PTK2B: variants seen among roughly 807,000 people sequenced by gnomAD.
PTK2B encodes the protein protein tyrosine kinase 2 beta.
Under a neutral mutation model 142.9 loss-of-function variants are expected in PTK2B, and 71 were observed. The ratio of observed to expected loss-of-function variants is 0.50; its 90% CI spans 0.41 to 0.61. PTK2B has a LOEUF of 0.61. Ranked by LOEUF, PTK2B falls within the 20% of genes least tolerant of loss-of-function variation. The probability of loss-of-function intolerance (pLI) is 0.00; values close to 1 mark genes in which losing one functional copy is unlikely to be tolerated. For missense variants in PTK2B, 1,105 were observed against 1,320.4 expected, an observed-to-expected ratio of 0.84 and a Z score of 2.53; for synonymous variants, 519 against 503.4, an observed-to-expected ratio of 1.03 and a Z score of -0.42.
chr8:27,343,465 C>T (rs1314427121), intron 1 of PTK2B, among the ~76,000 whole-genome samples: 1 of 152,174 alleles, frequency 6.6e-6, no homozygotes, highest in African/African-American at 2.4e-5. Flanking sequence ...AACCTGGGGA[C>T]CCCATGTAGT....
chr8:27,365,840 C>T (rs546009914), intron 1 of PTK2B, among the ~76,000 whole-genome samples: 201 of 152,326 alleles, frequency 1.3e-3, no homozygotes, highest in African/African-American at 4.8e-3. Flanking sequence ...CCAGACATTG[C>T]TGGTAATTTG....
intron 5 of PTK2B, 112 bp from the exon 6 acceptor site, chr8:27,429,981 A>T (rs1810306610): frequency 2.1e-6 from 2 of 973,238 alleles, no homozygotes; most frequent in Non-Finnish European, 3.3e-6. Flanking sequence ...CTTTCTCCTG[A>T]TGATTCCCAC....
chr8:27,415,264 G>A (rs1249723309), intron 2 of PTK2B, among the ~76,000 whole-genome samples: 2 of 152,156 alleles, frequency 1.3e-5, no homozygotes, highest in African/African-American at 2.4e-5. Context: ...TGGTGGTGGT[G>A]GGTGGATGGG....
intron 1 of PTK2B, among the ~76,000 whole-genome samples, chr8:27,388,625 A>G (rs977339777): frequency 4.8e-4 from 73 of 152,158 alleles, no homozygotes; most frequent in African/African-American, 1.6e-3. Context: ...GCTGGAACCA[A>G]CTCTCACAAG....
At chr8:27,451,177 GC>G in intron 26 of PTK2B, 99 bp downstream of exon 26, 1 of 1,375,458 alleles carries the variant, frequency 7.3e-7, no homozygotes, top group Middle Eastern at 2.0e-4. Flanking sequence ...CCCCAGGCCT[GC>G]CCAGCTCCTC....
At chr8:27,310,854 G>A (rs1376055107), upstream of PTK2B, 2 of 1,609,460 alleles carry the variant, frequency 1.2e-6, no homozygotes, top group Admixed American at 1.7e-5. Flanking sequence ...CCCTGGTGTC[G>A]GGGGTCGGCC....
chr8:27,333,440 G>T (rs764256329), intron 1 of PTK2B, among the ~76,000 whole-genome samples: 1 of 152,172 alleles, frequency 6.6e-6, no homozygotes, highest in Admixed American at 6.5e-5. Context: ...GCTTGAATTC[G>T]CAAGGGAGCA....
intron 1 of PTK2B, among the ~76,000 whole-genome samples, chr8:27,365,249 T>A (rs531312842): frequency 5.7e-4 from 87 of 152,358 alleles, no homozygotes; most frequent in African/African-American, 2.0e-3. Flanking sequence ...TCTCCCCAAC[T>A]TGGCTGTAAG....
At chr8:27,428,648 T>C (rs1810227120) in intron 5 of PTK2B, among the ~76,000 whole-genome samples, 1 of 152,196 alleles carries the variant, frequency 6.6e-6, no homozygotes, top group Non-Finnish European at 1.5e-5. Flanking sequence ...TGTTTAGCAG[T>C]ATCCCTGGTC....
chr8:27,394,163 T>G (rs1807896382), intron 1 of PTK2B, among the ~76,000 whole-genome samples: 1 of 152,188 alleles, frequency 6.6e-6, no homozygotes. Context: ...TCCCTCACTC[T>G]CTGGGTTGGG....
intron 1 of PTK2B, among the ~76,000 whole-genome samples, chr8:27,327,576 G>A (rs1017074241): frequency 2.6e-5 from 4 of 152,194 alleles, no homozygotes; most frequent in Non-Finnish European, 5.9e-5. Flanking sequence ...TGAAGTAAAG[G>A]CTGGAAACTG....
At chr8:27,351,259 T>C (rs892157112) in intron 1 of PTK2B, among the ~76,000 whole-genome samples, 4 of 151,486 alleles carry the variant, frequency 2.6e-5, no homozygotes, top group African/African-American at 9.7e-5. Flanking sequence ...ATCTATGTTC[T>C]TCCTGGACCC....
chr8:27,342,622 C>T (rs1158013176), intron 1 of PTK2B, among the ~76,000 whole-genome samples: 1 of 152,214 alleles, frequency 6.6e-6, no homozygotes, highest in African/African-American at 2.4e-5. Flanking sequence ...TCTCAGATTC[C>T]TTCGAACCCT....
intron 1 of PTK2B, among the ~76,000 whole-genome samples, chr8:27,326,193 A>G (rs6997893): frequency 0.33 from 50,076 of 151,638 alleles, 9,188 homozygotes; most frequent in Middle Eastern, 0.49. Flanking sequence ...GAGGAAAGCA[A>G]GGGTGTTCTG....
chr8:27,419,914 T>C lies in PTK2B; in HGVS notation c.224T>C (p.Leu75Pro). ...TEIREIITSI[L>P]LSGRIGPNIR... Reference sequence around the variant, plus strand: ...CTGCAGGAGATCATCACCTCCATCCTGCTGAGCGGGCGGATCGGGCCCAAC... The same window carrying C: ...CTGCAGGAGATCATCACCTCCATCCCGCTGAGCGGGCGGATCGGGCCCAAC... Residue 75 changes from leucine to proline, a missense_variant, in exon 3 of 31, where the codon CTG (leucine) becomes CCG (proline). Coordinates refer to ENST00000346049, the MANE Select transcript of PTK2B (RefSeq NM_173176.3). The C allele has an allele frequency of 6.2e-7, 1 of 1,614,194 alleles. No individual in the cohort carries two copies. Among genetic ancestry groups the C allele is most frequent in the Non-Finnish European group, 8.5e-7 (1 of 1,180,022 alleles).
chr8:27,322,191 C>G (rs1385320051), upstream of PTK2B, among the ~76,000 whole-genome samples: 3 of 152,072 alleles, frequency 2.0e-5, no homozygotes, highest in South Asian at 2.1e-4. Flanking sequence ...TGTTAGAATA[C>G]TTATAACCAT....
In PTK2B at chr8:27,442,935, A is replaced by C. The variant is rs749528867; in HGVS notation, c.2100A>C (p.Arg700=). 7 of 1,614,150 alleles carry C rather than the reference A, an allele frequency of 4.3e-6. No homozygotes were observed. In the Admixed American group the frequency reaches 1.2e-4, roughly 27 times the overall value. Residue 700 remains arginine (R), a synonymous_variant, in exon 22 of 31, where the codon CGA becomes CGC. Coordinates refer to ENST00000346049, the MANE Select transcript of PTK2B (RefSeq NM_173176.3). The part of the protein sequence containing the change: ...AMEQERNARY[R]TPKILEPTAF... ...AGCAAGAGAGGAATGCTCGCTACCG[A>C]ACCCCCAAAATCTTGGAGCCCACAG...
In PTK2B at chr8:27,437,784, G is replaced by A. The variant is rs760362838; in HGVS notation, c.1547G>A (p.Arg516Gln). 22 of 1,612,210 alleles carry A rather than the reference G, an allele frequency of 1.4e-5. No homozygotes were observed. Among genetic ancestry groups the A allele is most frequent in the Admixed American group, 3.3e-5 (2 of 59,766 alleles). ...PYGELGHYLERNKNSLKVLTL... is the reference protein window; with the variant it reads ...PYGELGHYLEQNKNSLKVLTL... Reference sequence around the variant, plus strand: ...CTGCAGCTGGGCCACTACCTGGAGCGGAACAAGAACTCCCTGAAGGTGCTC... The same window carrying A: ...CTGCAGCTGGGCCACTACCTGGAGCAGAACAAGAACTCCCTGAAGGTGCTC... The change falls in exon 18 of 31, where the codon CGG becomes CAG. Residue 516 changes from arginine (R) to glutamine (Q), a missense_variant. Arg to Gln is a conservative substitution (Grantham distance 43, BLOSUM62 1). Coordinates refer to ENST00000346049, the MANE Select transcript of PTK2B (RefSeq NM_173176.3).
At chr8:27,326,226 ATGTGTGTGTGTGTGTG>A (rs4054914) in intron 1 of PTK2B, among the ~76,000 whole-genome samples, 8 of 146,796 alleles carry the variant, frequency 5.4e-5, no homozygotes, top group East Asian at 2.1e-4. Context: ...GCTCGTGTGT[ATGTGTGTGTGTGTGTG>A]TGTGTGTGTG....
Sources: gnomAD v4.1 joint callset for allele counts (sites outside exome capture counted in the v4.1 genomes callset) on GRCh38, gnomAD v4.1.1 for gene constraint, MANE v1.5 for transcripts, NCBI Gene and HGNC (gene_info 2026-07-23, HGNC 2026-07-21) for gene names.